The following CYRIA variants were observed in gnomAD, a reference collection of about 807,000 sequenced individuals.
CYRIA encodes the protein CYFIP-related Rac1 interactor A.
Under a neutral mutation model 43.9 loss-of-function variants are expected in CYRIA, and 15 were observed. That is an observed-to-expected ratio of 0.34 (90% CI 0.23 to 0.53). The LOEUF (loss-of-function observed/expected upper bound fraction) is 0.53, where lower values mean the gene tolerates loss of function less well. Among genes scored for constraint, CYRIA ranks in the 20% least tolerant of loss-of-function variants. The pLI is 0.94. For missense variants in CYRIA, 236 were observed against 394.2 expected, an observed-to-expected ratio of 0.60 and a Z score of 3.40; for synonymous variants, 117 against 136.0, an observed-to-expected ratio of 0.86 and a Z score of 0.97.
intron 3 of CYRIA, among the ~76,000 whole-genome samples, chr2:16,579,466 A>C (rs1667473020): frequency 6.6e-6 from 1 of 151,000 alleles, no homozygotes; most frequent in African/African-American, 2.5e-5. Context: ...CTCTCTCTTA[A>C]ATGATAATTG....
At chr2:16,643,051 G>T (rs937520009) in intron 1 of CYRIA, among the ~76,000 whole-genome samples, 2 of 149,088 alleles carry the variant, frequency 1.3e-5, no homozygotes, top group Non-Finnish European at 3.0e-5. Context: ...ACCTAAATAA[G>T]ATAAATACAT....
intron 1 of CYRIA, among the ~76,000 whole-genome samples, chr2:16,629,884 G>A (rs1295448753): frequency 1.3e-5 from 2 of 152,168 alleles, no homozygotes; most frequent in Non-Finnish European, 2.9e-5. Flanking sequence ...GGATGCTTAA[G>A]ACCTAGAAAA....
chr2:16,647,726 T>A (rs1033952469), intron 1 of CYRIA, among the ~76,000 whole-genome samples: 1 of 152,238 alleles, frequency 6.6e-6, no homozygotes, highest in African/African-American at 2.4e-5. Context: ...CTCTGCCTTG[T>A]ACAGTCCACA....
chr2:16,598,675 G>A (rs1294244248), intron 2 of CYRIA, among the ~76,000 whole-genome samples: 1 of 90,992 alleles, frequency 1.1e-5, no homozygotes, highest in Non-Finnish European at 2.0e-5. Flanking sequence ...CCTTTGGTTT[G>A]AATGTCCTCC....
At chr2:16,578,990 A>G (rs949962813) in intron 3 of CYRIA, among the ~76,000 whole-genome samples, 12 of 152,180 alleles carry the variant, frequency 7.9e-5, no homozygotes, top group Non-Finnish European at 1.8e-4. Context: ...CTACAAAACA[A>G]AAATAAAGAT....
chr2:16,569,386 G>C (rs1402490363), intron 3 of CYRIA, among the ~76,000 whole-genome samples: 3 of 152,216 alleles, frequency 2.0e-5, no homozygotes, highest in Non-Finnish European at 2.9e-5. Context: ...GATGCGGTAG[G>C]AGAAAGCCAC....
intron 3 of CYRIA, among the ~76,000 whole-genome samples, chr2:16,582,278 C>T (rs1572478330): frequency 6.6e-6 from 1 of 152,086 alleles, no homozygotes; most frequent in African/African-American, 2.4e-5. Flanking sequence ...ATAATGTCAG[C>T]ATTAGGCAGA....
chr2:16,550,221 G>C lies in CYRIA; in HGVS notation c.*2715C>G, dbSNP rs1330190518. 1.3e-5 allele frequency: 2 copies of C among 151,128 alleles called. No homozygotes were observed. Among genetic ancestry groups the C allele is most frequent in the Non-Finnish European group, 2.9e-5 (2 of 67,922 alleles). The allele number at this position is 151,128 out of a possible 1,614,324, so 9.4% of individuals were successfully genotyped here. Reference sequence around the variant, plus strand: ...AACAATGACATTGACACTGTTGCTAGCACTTTCCCCTAAACCACCCGTAAG... The same window carrying C: ...AACAATGACATTGACACTGTTGCTACCACTTTCCCCTAAACCACCCGTAAG... On this transcript the variant is annotated 3_prime_UTR_variant, in exon 12 of 12. Coordinates refer to ENST00000381323, the MANE Select transcript of CYRIA (RefSeq NM_030797.4).
intron 1 of CYRIA, among the ~76,000 whole-genome samples, chr2:16,659,024 C>T (rs534888630): frequency 2.6e-5 from 4 of 152,350 alleles, no homozygotes; most frequent in Non-Finnish European, 5.9e-5. Context: ...GTGTGGCATC[C>T]TCCGTGGAGG....
At chr2:16,570,412 T>C (rs1165940049) in intron 3 of CYRIA, among the ~76,000 whole-genome samples, 2 of 152,202 alleles carry the variant, frequency 1.3e-5, no homozygotes, top group African/African-American at 4.8e-5. Flanking sequence ...AATAGGGTAT[T>C]TGTTGAGTCT....
chr2:16,603,660 G>T (rs750267872), intron 2 of CYRIA, among the ~76,000 whole-genome samples: 5 of 152,132 alleles, frequency 3.3e-5, no homozygotes, highest in Admixed American at 1.3e-4. Flanking sequence ...AGTGCCTATC[G>T]CAGCAAACCA....
At chr2:16,565,950 T>C (rs1004756742) in intron 3 of CYRIA, among the ~76,000 whole-genome samples, 183 bp from the exon 4 acceptor site, 1 of 152,162 alleles carries the variant, frequency 6.6e-6, no homozygotes, top group African/African-American at 2.4e-5. Context: ...TTCTGCCCAT[T>C]ACTCAGTTTA....
At chr2:16,572,268 G>T (rs148691603) in intron 3 of CYRIA, among the ~76,000 whole-genome samples, 1 of 152,110 alleles carries the variant, frequency 6.6e-6, no homozygotes, top group African/African-American at 2.4e-5. Context: ...TACCTGCAGG[G>T]TCATAATGAA....
intron 1 of CYRIA, among the ~76,000 whole-genome samples, chr2:16,660,377 G>GT (rs1410187322): frequency 6.6e-6 from 1 of 152,188 alleles, no homozygotes. Context: ...AACATCAGGT[G>GT]TAATTCAGGT....
At chr2:16,587,972 A>G (rs73211552) in intron 3 of CYRIA, 78 bp downstream of exon 3, 14,045 of 898,322 alleles carry the variant, frequency 0.016, 638 homozygotes, top group African/African-American at 0.1. Flanking sequence ...TGATATAAAT[A>G]TTTATGTTAT....
chr2:16,662,568 G>C (rs1670285385), intron 1 of CYRIA, among the ~76,000 whole-genome samples: 1 of 152,170 alleles, frequency 6.6e-6, no homozygotes, highest in Non-Finnish European at 1.5e-5. Flanking sequence ...CAGCTCCTGA[G>C]ACAAGATTCT....
intron 3 of CYRIA, among the ~76,000 whole-genome samples, chr2:16,575,577 C>T (rs184528901): frequency 1.3e-4 from 20 of 152,206 alleles, no homozygotes; most frequent in East Asian, 1.2e-3. Flanking sequence ...AGTTCCCGGC[C>T]GGGCGCGGTG....
chr2:16,561,375 T>C (rs1558402039), intron 7 of CYRIA, 81 bp downstream of exon 7: 8 of 1,500,996 alleles, frequency 5.3e-6, no homozygotes, highest in Non-Finnish European at 7.4e-6. Flanking sequence ...GGACATTGTC[T>C]TCTGTCTGTG....
At position 16,561,112 on chromosome 2, in the gene CYRIA, C is replaced by G. The variant is rs747272743; in HGVS notation, c.631-43G>C. 3.1e-6 allele frequency: 5 copies of G among 1,610,498 alleles called. No individual in the cohort carries two copies. The African/African-American group carries it at 5.3e-5, about 17-fold the overall frequency. ...ATGTACATTAGTCCTGCTTGCAGCT[C>G]TTGTGTGGAATTAAGGAAAAAAGCA... On this transcript the variant is annotated intron_variant, in intron 8 of 11. Coordinates refer to ENST00000381323, the MANE Select transcript of CYRIA (RefSeq NM_030797.4).
Sources: gnomAD v4.1 joint callset for allele counts (sites outside exome capture counted in the v4.1 genomes callset) on GRCh38, gnomAD v4.1.1 for gene constraint, MANE v1.5 for transcripts, NCBI Gene and HGNC (gene_info 2026-07-23, HGNC 2026-07-21) for gene names.